The following NTM variants were observed in gnomAD, a reference collection of about 807,000 sequenced individuals.
The protein encoded by NTM is neurotrimin, also known as IgLON family member 2.
Under a neutral mutation model 42.1 loss-of-function variants are expected in NTM, and 13 were observed. That is an observed-to-expected ratio of 0.31 (90% CI 0.20 to 0.49). NTM has a LOEUF of 0.49. Among genes scored for constraint, NTM ranks in the 20% least tolerant of loss-of-function variants. The pLI, the probability that NTM is intolerant of heterozygous loss-of-function variation, is 0.99. For missense variants in NTM, 373 were observed against 452.8 expected, an observed-to-expected ratio of 0.82 and a Z score of 1.60; for synonymous variants, 187 against 179.2, an observed-to-expected ratio of 1.04 and a Z score of -0.35.
At chr11:132,189,290 C>CT (rs944578098) in intron 3 of NTM, among the ~76,000 whole-genome samples, 64 of 152,150 alleles carry the variant, frequency 4.2e-4, no homozygotes, top group African/African-American at 1.5e-3. Flanking sequence ...TAAAGGACAG[C>CT]TTTTTAACCA....
chr11:131,412,411 G>A lies in NTM; in HGVS notation c.82+41523G>A, dbSNP rs78055256. On this transcript the variant is annotated intron_variant, in intron 1 of 8. Coordinates refer to ENST00000683400, the MANE Select transcript of NTM (RefSeq NM_001352005.2). ...CTAAGGAATGGGATGGAAAATAAAA[G>A]CAAACAGTTGTTTATCATGTGTTTT... is the stretch of plus-strand genomic sequence containing the variant. Among the ~76,000 whole-genome samples the A allele has an allele frequency of 9.2e-3, 1,403 of 152,278 alleles. 14 individuals are homozygous for A. The highest frequency in any genetic ancestry group is 0.032 in the African/African-American group (1,325 of 41,540).
intron 2 of NTM, among the ~76,000 whole-genome samples, chr11:132,118,887 CT>C (rs560471149): frequency 5.3e-5 from 8 of 151,884 alleles, no homozygotes; most frequent in Non-Finnish European, 8.8e-5. Flanking sequence ...CATAATGCAG[CT>C]GTGAAATGAA....
chr11:131,476,349 G>A (rs1282882537), intron 1 of NTM, among the ~76,000 whole-genome samples: 12 of 152,214 alleles, frequency 7.9e-5, no homozygotes, highest in Non-Finnish European at 7.3e-5. Context: ...CCAGGTAGCA[G>A]CAGGACCCCA....
chr11:131,388,537 C>T (rs1432431593), intron 1 of NTM, among the ~76,000 whole-genome samples: 1 of 151,200 alleles, frequency 6.6e-6, no homozygotes, highest in East Asian at 2.0e-4. Flanking sequence ...GTGGAAATAG[C>T]CTGATCAGAA....
intron 1 of NTM, among the ~76,000 whole-genome samples, chr11:131,720,884 T>G (rs1356322576): frequency 6.6e-6 from 1 of 152,150 alleles, no homozygotes; most frequent in Non-Finnish European, 1.5e-5. Flanking sequence ...ACTTACCAGG[T>G]AGGGGTTTTC....
intron 1 of NTM, among the ~76,000 whole-genome samples, chr11:131,447,962 C>G (rs1413486165): frequency 6.6e-6 from 1 of 152,214 alleles, no homozygotes; most frequent in Non-Finnish European, 1.5e-5. Flanking sequence ...GATTTCACAT[C>G]CATTTCTGGT....
chr11:131,744,815 C>A (rs2081604979), intron 1 of NTM, among the ~76,000 whole-genome samples: 1 of 152,110 alleles, frequency 6.6e-6, no homozygotes, highest in Non-Finnish European at 1.5e-5. Flanking sequence ...TGCTCAAATC[C>A]CAGTTGTTGT....
intron 1 of NTM, among the ~76,000 whole-genome samples, chr11:131,378,260 T>C (rs1482841192): frequency 6.6e-6 from 1 of 152,198 alleles, no homozygotes; most frequent in East Asian, 1.9e-4. Flanking sequence ...ACACATCCCC[T>C]ATATAGGCTT....
At chr11:131,745,212 C>A (rs1390989633) in intron 1 of NTM, among the ~76,000 whole-genome samples, 1 of 152,144 alleles carries the variant, frequency 6.6e-6, no homozygotes, top group Admixed American at 6.5e-5. Context: ...TTTCCTCGAG[C>A]TTTCCCTGTA....
At chr11:131,403,451 C>A (rs966497524) in intron 1 of NTM, among the ~76,000 whole-genome samples, 3 of 151,894 alleles carry the variant, frequency 2.0e-5, no homozygotes, top group Admixed American at 6.5e-5. Flanking sequence ...CTGCTTGACA[C>A]CACCTATCCA....
At chr11:131,900,462 T>C (rs2052981970) in intron 1 of NTM, among the ~76,000 whole-genome samples, 1 of 152,208 alleles carries the variant, frequency 6.6e-6, no homozygotes, top group South Asian at 2.1e-4. Flanking sequence ...TTCCTTTCAA[T>C]GTGGAGATTG....
chr11:132,278,393 CT>C (rs2093818910), intron 4 of NTM, among the ~76,000 whole-genome samples: 1 of 152,294 alleles, frequency 6.6e-6, no homozygotes, highest in African/African-American at 2.4e-5. Context: ...CTGGAGTCAT[CT>C]AGAGGCATCT....
chr11:131,448,089 C>A (rs890922310), intron 1 of NTM, among the ~76,000 whole-genome samples: 16 of 152,362 alleles, frequency 1.1e-4, no homozygotes, highest in African/African-American at 3.4e-4. Context: ...CCTCTCAGCA[C>A]GTGTGCTTCC....
At chr11:131,507,817 C>A in intron 1 of NTM, among the ~76,000 whole-genome samples, 1 of 150,536 alleles carries the variant, frequency 6.6e-6, no homozygotes, top group Non-Finnish European at 1.5e-5. Context: ...CTCTTTGAAG[C>A]AATTGTGAAT....
chr11:131,751,318 GGCTCACGCCACCGTGTAAT>G (rs1330629107), intron 1 of NTM, among the ~76,000 whole-genome samples: 3 of 151,780 alleles, frequency 2.0e-5, no homozygotes, highest in Non-Finnish European at 2.9e-5. Context: ...TGGGCACGGT[GGCTCACGCCACCGTGTAAT>G]CCCAGCACTT....
At chr11:132,241,493 G>A (rs1268684700) in intron 4 of NTM, among the ~76,000 whole-genome samples, 1 of 152,090 alleles carries the variant, frequency 6.6e-6, no homozygotes, top group Non-Finnish European at 1.5e-5. Context: ...AGTTACATGA[G>A]CCAAATCAAC....
At chr11:132,120,476 A>C (rs2064613424) in intron 2 of NTM, among the ~76,000 whole-genome samples, 1 of 152,176 alleles carries the variant, frequency 6.6e-6, no homozygotes, top group African/African-American at 2.4e-5. Flanking sequence ...TCCTCCTCTA[A>C]GGTTGCAAGA....
intron 1 of NTM, among the ~76,000 whole-genome samples, chr11:131,483,357 C>A (rs376641388): frequency 6.6e-6 from 1 of 152,192 alleles, no homozygotes; most frequent in South Asian, 2.1e-4. Flanking sequence ...TCGTTTCAAT[C>A]CTCACATCAA....
At chr11:132,150,620 G>T (rs1043155250) in intron 3 of NTM, among the ~76,000 whole-genome samples, 4 of 152,170 alleles carry the variant, frequency 2.6e-5, no homozygotes, top group Admixed American at 1.3e-4. Context: ...GAAAAAGATG[G>T]AGTAATGGAT....
Sources: gnomAD v4.1 joint callset for allele counts (sites outside exome capture counted in the v4.1 genomes callset) on GRCh38, gnomAD v4.1.1 for gene constraint, MANE v1.5 for transcripts, NCBI Gene and HGNC (gene_info 2026-07-23, HGNC 2026-07-21) for gene names.